NEK10: variants seen among roughly 807,000 people sequenced by gnomAD.
NEK10 encodes the protein NIMA related kinase 10.
Under a neutral mutation model 159.8 loss-of-function variants are expected in NEK10, and 122 were observed. The ratio of observed to expected loss-of-function variants is 0.76; its 90% CI spans 0.66 to 0.89. NEK10 has a LOEUF of 0.89. Ranked by LOEUF, NEK10 falls within the 40% of genes least tolerant of loss-of-function variation. NEK10 has a pLI of 0.00. For synonymous variants in NEK10, 466 were observed against 457.1 expected (o/e 1.02, Z -0.25); for missense variants, 1,342 against 1,323.1 (o/e 1.01, Z -0.22).
chr3:27,178,493 C>T (rs1243358987), intron 26 of NEK10, among the ~76,000 whole-genome samples: 1 of 151,984 alleles, frequency 6.6e-6, no homozygotes, highest in Non-Finnish European at 1.5e-5. Context: ...CAGTTTCTTC[C>T]ATCTGTTTTG....
chr3:27,306,846 G>C (rs1479502287), intron 11 of NEK10, among the ~76,000 whole-genome samples: 2 of 152,024 alleles, frequency 1.3e-5, no homozygotes, highest in African/African-American at 4.8e-5. Flanking sequence ...TGTTCTTATG[G>C]TCCTGCTGTG....
At chr3:27,300,787 C>G (rs767527455) in intron 13 of NEK10, among the ~76,000 whole-genome samples, 10 of 152,202 alleles carry the variant, frequency 6.6e-5, no homozygotes, top group Non-Finnish European at 1.5e-4. Context: ...AGTCTTCAAA[C>G]AGTAAACCCC....
At chr3:27,149,177 A>G (rs1009551594) in intron 30 of NEK10, among the ~76,000 whole-genome samples, 1 of 151,950 alleles carries the variant, frequency 6.6e-6, no homozygotes, top group Non-Finnish European at 1.5e-5. Context: ...ACTGCTTCTG[A>G]TTACTTATGC....
chr3:27,304,983 A>C lies in NEK10; in HGVS notation c.804-12T>G. On this transcript the variant is annotated splice_polypyrimidine_tract_variant and intron_variant, in intron 11 of 35. Transcript: ENST00000691995. ...ACTCCGCTGTTAGTCTGAAAGGGGT[A>C]CAGAGGGTGGGGTGAGAATCACAGC... 6.4e-7 allele frequency: 1 copy of C among 1,556,286 alleles called. No individual in the cohort carries two copies. The highest frequency in any genetic ancestry group is 8.8e-7 in the Non-Finnish European group (1 of 1,130,726).
At position 27,242,559 on chromosome 3, in the gene NEK10, C is replaced by G. The variant is rs561140478; in HGVS notation, c.2090+13737G>C. 2.6e-5 allele frequency among the ~76,000 whole-genome samples: 4 copies of G among 152,252 alleles called. No homozygotes were observed. In the South Asian group the frequency reaches 8.3e-4, roughly 32 times the overall value. On this transcript the variant is annotated intron_variant, in intron 23 of 35. Transcript: ENST00000691995. Reference sequence around the variant, plus strand: ...TCCAGGTCTAGAGTCTGCACTATGTCCTGTTGGCTCCTAGGGGAAGGGACA... The same window carrying G: ...TCCAGGTCTAGAGTCTGCACTATGTGCTGTTGGCTCCTAGGGGAAGGGACA...
intron 11 of NEK10, among the ~76,000 whole-genome samples, chr3:27,307,520 A>C (rs1201553655): frequency 6.6e-6 from 1 of 152,216 alleles, no homozygotes; most frequent in Non-Finnish European, 1.5e-5. Context: ...TTATTGTAAT[A>C]TACAATTTGA....
At chr3:27,196,015 C>A (rs1414321255) in intron 25 of NEK10, among the ~76,000 whole-genome samples, 1 of 152,146 alleles carries the variant, frequency 6.6e-6, no homozygotes, top group Non-Finnish European at 1.5e-5. Flanking sequence ...TTGTCTTATG[C>A]CCGATTTCTG....
intron 5 of NEK10, among the ~76,000 whole-genome samples, chr3:27,341,736 G>A (rs1426412159): frequency 1.3e-5 from 2 of 152,212 alleles, no homozygotes; most frequent in Non-Finnish European, 2.9e-5. Flanking sequence ...ACAGAAAGGA[G>A]GTGTCCACAA....
chr3:27,223,968 G>A (rs1350139439), intron 23 of NEK10, among the ~76,000 whole-genome samples: 1 of 152,202 alleles, frequency 6.6e-6, no homozygotes, highest in African/African-American at 2.4e-5. Flanking sequence ...GAAAAGATAT[G>A]TTGAAGTCCT....
Position 27,252,735 on chromosome 3 carries a change from G to A in NEK10, c.2090+3561C>T, listed in dbSNP as rs557855009. Among the ~76,000 whole-genome samples the A allele has an allele frequency of 3.3e-5, 5 of 152,322 alleles. No homozygotes were observed. The East Asian group carries it at 9.7e-4, about 29-fold the overall frequency. ...TTAACCAGATGACAAATAGAAAAGA[G>A]TATTCCAGGCAAAGGGAGCTGCATG... On this transcript the variant is annotated intron_variant, in intron 23 of 35. Coordinates refer to ENST00000691995, the MANE Select transcript of NEK10 (RefSeq NM_001394966.1).
intron 28 of NEK10, among the ~76,000 whole-genome samples, chr3:27,172,105 G>A (rs1404242209): frequency 3.3e-5 from 5 of 151,912 alleles, no homozygotes; most frequent in East Asian, 1.9e-4. Context: ...TTGTGAGGCC[G>A]AGGTAGATGA....
chr3:27,236,107 C>G (rs750675286), intron 23 of NEK10, among the ~76,000 whole-genome samples: 4 of 152,006 alleles, frequency 2.6e-5, no homozygotes, highest in Admixed American at 6.6e-5. Context: ...GATGAGAACA[C>G]ATGGACTCAT....
intron 22 of NEK10, among the ~76,000 whole-genome samples, chr3:27,257,732 AC>A (rs1362577558): frequency 2.0e-5 from 3 of 151,954 alleles, no homozygotes; most frequent in African/African-American, 7.3e-5. Context: ...ATTATGAGCA[AC>A]TTGAGTAACC....
chr3:27,257,185 A>C (rs7616826), intron 22 of NEK10, among the ~76,000 whole-genome samples: 2 of 152,086 alleles, frequency 1.3e-5, no homozygotes, highest in Non-Finnish European at 2.9e-5. Context: ...AAGTGCTGGG[A>C]TTACAGGCGT....
At chr3:27,319,718 A>G (rs2045479042) in intron 6 of NEK10, among the ~76,000 whole-genome samples, 1 of 150,194 alleles carries the variant, frequency 6.7e-6, no homozygotes, top group African/African-American at 2.4e-5. Flanking sequence ...GAGGAATATT[A>G]CTTCTGAAAT....
intron 1 of NEK10, among the ~76,000 whole-genome samples, chr3:27,364,966 G>T (rs144661704): frequency 2.0e-5 from 3 of 152,316 alleles, no homozygotes; most frequent in African/African-American, 7.2e-5. Flanking sequence ...GAGGCCCAGT[G>T]AGGTTCATTC....
chr3:27,328,526 T>C (rs1005366617), intron 5 of NEK10, among the ~76,000 whole-genome samples: 4 of 152,130 alleles, frequency 2.6e-5, no homozygotes, highest in Non-Finnish European at 5.9e-5. Flanking sequence ...CTGCAAAGAA[T>C]AGCAAGGAAG....
chr3:27,198,331 C>CAAA (rs59823084), intron 25 of NEK10, among the ~76,000 whole-genome samples: 4 of 102,048 alleles, frequency 3.9e-5, no homozygotes, highest in Admixed American at 1.1e-4. Flanking sequence ...CAATCCTAAG[C>CAAA]AAAAAAAAAA....
intron 25 of NEK10, among the ~76,000 whole-genome samples, chr3:27,193,854 T>G (rs1949336007): frequency 6.6e-6 from 1 of 152,146 alleles, no homozygotes; most frequent in Non-Finnish European, 1.5e-5. Context: ...GACTGGAAAC[T>G]TCTAGAGAAG....
Sources: gnomAD v4.1 joint callset for allele counts (sites outside exome capture counted in the v4.1 genomes callset) on GRCh38, gnomAD v4.1.1 for gene constraint, MANE v1.5 for transcripts, NCBI Gene and HGNC (gene_info 2026-07-23, HGNC 2026-07-21) for gene names.